YTHDC1: variants seen among roughly 807,000 people sequenced by gnomAD.
YTHDC1 encodes YTH domain-containing protein 1.
In YTHDC1, 12 loss-of-function variants were observed where a neutral mutation model predicts 107.0. The ratio of observed to expected loss-of-function variants is 0.11; its 90% confidence interval spans 0.07 to 0.18. YTHDC1 has a LOEUF of 0.18. YTHDC1 is among the 10% of genes least tolerant of loss of function. The pLI, the probability that YTHDC1 is intolerant of heterozygous loss-of-function variation, is 1.00. For missense variants in YTHDC1, 635 were observed against 898.8 expected (o/e 0.71, Z 3.75); for synonymous variants, 280 against 289.5 (o/e 0.97, Z 0.33).
intron 11 of YTHDC1, 50 bp from the exon 12 acceptor site, chr4:68,320,255 C>T (rs1553902687): frequency 1.4e-6 from 2 of 1,385,964 alleles, no homozygotes; most frequent in Non-Finnish European, 2.0e-6. Flanking sequence ...GCTGGGAGAA[C>T]AAAGAGTAAA....
At chr4:68,345,900 C>T (rs1725355325) in intron 1 of YTHDC1, among the ~76,000 whole-genome samples, 3 of 151,782 alleles carry the variant, frequency 2.0e-5, no homozygotes, top group Non-Finnish European at 4.4e-5. Flanking sequence ...TGCCTAGGGA[C>T]AATAGACTAT....
At chr4:68,314,453 C>T (rs115207011) in intron 16 of YTHDC1, 130 bp from the exon 17 acceptor site, 21,521 of 728,480 alleles carry the variant, frequency 0.03, 407 homozygotes, top group Middle Eastern at 0.066. Context: ...GTATTATAAT[C>T]GGCGGAGAGA....
chr4:68,342,841 A>G (rs114853489), intron 1 of YTHDC1, among the ~76,000 whole-genome samples: 2,293 of 152,322 alleles, frequency 0.015, 25 homozygotes, highest in Non-Finnish European at 0.023. Flanking sequence ...CCTTTTTGAA[A>G]AGAAATAATT....
chr4:68,349,832 A>T lies in YTHDC1; in HGVS notation c.-79T>A. On this transcript the variant is annotated 5_prime_UTR_variant, in exon 1 of 17. Transcript: ENST00000344157. ...CGCGCGGGCGCCGCAGCCGCGGCAG[A>T]AGCACGGGCCCGTCCGTCAGTCCGT... 6.3e-7 allele frequency: 1 copy of T among 1,599,684 alleles called. No homozygotes were observed.
In YTHDC1 at chr4:68,338,472, G is replaced by A. The variant is rs184217765; in HGVS notation, c.29-88C>T. 111 of 851,066 alleles carry A rather than the reference G, an allele frequency of 1.3e-4. 1 individual carries two copies. In the African/African-American group the frequency reaches 1.5e-3, roughly 11 times the overall value. The allele number at this position is 851,066 out of a possible 1,614,324, so 52.7% of individuals were successfully genotyped here. A position where few individuals can be genotyped will look rare whatever the true frequency, so the allele number is the denominator to read the frequency against. ...ACTTACTAAGTGTGAGGCCACAAGC[G>A]CCTAGGAGCTTTTACTTTTATATAA... On this transcript the variant is annotated intron_variant, in intron 1 of 16. Coordinates refer to ENST00000344157, the MANE Select transcript of YTHDC1 (RefSeq NM_001031732.4).
chr4:68,320,700 T>C (rs1183849234), intron 11 of YTHDC1, among the ~76,000 whole-genome samples: 1 of 152,164 alleles, frequency 6.6e-6, no homozygotes, highest in Non-Finnish European at 1.5e-5. Context: ...GAATTTATTT[T>C]TCCTCTGCTT....
chr4:68,320,613 T>G (rs1722342281), intron 11 of YTHDC1, among the ~76,000 whole-genome samples: 1 of 152,082 alleles, frequency 6.6e-6, no homozygotes, highest in Non-Finnish European at 1.5e-5. Flanking sequence ...CTATCATCAT[T>G]GTACAATATG....
Position 68,337,285 on chromosome 4 carries a change from C to T in YTHDC1, c.625G>A (p.Val209Met). 5 of 1,612,962 alleles carry T rather than the reference C, an allele frequency of 3.1e-6. No individual in the cohort carries two copies. Among genetic ancestry groups the T allele is most frequent in the African/African-American group, 1.3e-5 (1 of 75,004 alleles). The part of the protein sequence containing the change: ...ENEEEGVEED[V>M]EEDEEVEEDA... ...TCTTCTACTTCTTCATCTTCCTCCA[C>T]ATCTTCTTCCACTCCTTCCTCCTCA... The change falls in exon 4 of 17, where the codon GTG becomes ATG. Residue 209 changes from valine (V) to methionine (M), a missense_variant. By Grantham distance (21) the Val-to-Met change is conservative. This residue lies in a region of YTHDC1 where 294 missense variants were observed against 312.3 expected (regional missense o/e 0.94). Coordinates refer to ENST00000344157, the MANE Select transcript of YTHDC1 (RefSeq NM_001031732.4).
intron 1 of YTHDC1, among the ~76,000 whole-genome samples, chr4:68,344,481 C>T (rs1725199179): frequency 6.6e-6 from 1 of 152,180 alleles, no homozygotes; most frequent in Admixed American, 6.5e-5. Flanking sequence ...CAGTTGCAAG[C>T]ACTGTGTTGT....
intron 16 of YTHDC1, among the ~76,000 whole-genome samples, chr4:68,315,371 G>A (rs1721741857): frequency 6.6e-6 from 1 of 152,036 alleles, no homozygotes; most frequent in Admixed American, 6.6e-5. Context: ...TCAAAGATAG[G>A]CTAGAAAGCT....
At chr4:68,349,232 G>A (rs1273905320) in intron 1 of YTHDC1, among the ~76,000 whole-genome samples, 1 of 152,154 alleles carries the variant, frequency 6.6e-6, no homozygotes, top group African/African-American at 2.4e-5. Flanking sequence ...TATTTAACAG[G>A]AACAGCCAGA....
intron 9 of YTHDC1, among the ~76,000 whole-genome samples, chr4:68,326,676 C>T (rs1287999106): frequency 2.0e-5 from 3 of 152,036 alleles, no homozygotes; most frequent in African/African-American, 4.8e-5. Flanking sequence ...CTGCAACCTC[C>T]GCCTCCTGAG....
intron 1 of YTHDC1, among the ~76,000 whole-genome samples, chr4:68,339,783 C>A (rs926956776): frequency 2.0e-4 from 30 of 152,008 alleles, no homozygotes; most frequent in African/African-American, 7.2e-4. Context: ...ATAAAAAAAA[C>A]ATTTAGAGCC....
Position 68,337,348 on chromosome 4 carries a change from T to C in YTHDC1, c.562A>G (p.Ser188Gly). The C allele has an allele frequency of 6.2e-7, 1 of 1,614,128 alleles. No homozygotes were observed. Among genetic ancestry groups the C allele is most frequent in the Non-Finnish European group, 8.5e-7 (1 of 1,180,038 alleles). ...TTCCCTTGCTCATCAGAAGAACCAC[T>C]GCTGCCAGTCTCATGGTCAGAGCCA... ...EYGSDHETGS[S>G]GSSDEQGNNT... Residue 188 changes from serine to glycine, a missense_variant, in exon 4 of 17, where the codon AGT (serine) becomes GGT (glycine). By Grantham distance (56) the Ser-to-Gly change is moderately conservative. Coordinates refer to ENST00000344157, the MANE Select transcript of YTHDC1 (RefSeq NM_001031732.4).
intron 10 of YTHDC1, among the ~76,000 whole-genome samples, 165 bp from the exon 11 acceptor site, chr4:68,323,080 G>C (rs1016789653): frequency 3.9e-5 from 6 of 152,308 alleles, no homozygotes; most frequent in African/African-American, 1.4e-4. Flanking sequence ...CATTTAAAAA[G>C]TGTTTTGTGT....
chr4:68,333,694 G>A (rs984639449), intron 4 of YTHDC1, among the ~76,000 whole-genome samples: 4 of 152,020 alleles, frequency 2.6e-5, no homozygotes, highest in African/African-American at 4.8e-5. Flanking sequence ...CCAAGCGGGG[G>A]GGGAAATTTG....
Position 68,322,824 on chromosome 4 carries a change from T to C in YTHDC1, c.1526A>G (p.His509Arg). 1 of 1,614,220 alleles carries C rather than the reference T, an allele frequency of 6.2e-7. No individual in the cohort carries two copies. Among genetic ancestry groups the C allele is most frequent in the Non-Finnish European group, 8.5e-7 (1 of 1,180,034 alleles). Reference protein sequence around the residue: ...DLYQVIHKMRHKRRMHSQPRS... With the variant: ...DLYQVIHKMRRKRRMHSQPRS... ...GGGCTGAGAATGCATTCTTCTCTTG[T>C]GACGCATTTTATGAATGACCTGATA... The change falls in exon 11 of 17, where the codon CAC (histidine) becomes CGC (arginine). Residue 509 changes from histidine to arginine, a missense_variant. Transcript: ENST00000344157. This position sits in a 1 kb window ranked among gnomAD's most constrained non-coding sequence, Gnocchi z 4.8.
intron 1 of YTHDC1, among the ~76,000 whole-genome samples, chr4:68,346,873 T>A (rs909741791): frequency 7.2e-5 from 11 of 152,132 alleles, no homozygotes; most frequent in Non-Finnish European, 1.3e-4. Flanking sequence ...AAACATAGTA[T>A]AGATAGGATA....
rs1377189749 is a variant in YTHDC1, at chr4:68,311,258, T to C, written c.*2841A>G. ...CTGAAACTACATGGACAATGGAAGC[T>C]TGGAGATAATGGCCATTTTCTGAAA... On this transcript the variant is annotated 3_prime_UTR_variant, in exon 17 of 17. Transcript: ENST00000344157. 2.0e-5 allele frequency: 3 copies of C among 151,890 alleles called. No homozygotes were observed. The highest frequency in any genetic ancestry group is 4.4e-5 in the Non-Finnish European group (3 of 67,962). 9.4% of individuals were successfully genotyped at this position (151,890 alleles called of 1,614,324 possible). A position where few individuals can be genotyped will look rare whatever the true frequency, so the allele number is the denominator to read the frequency against.
Sources: gnomAD v4.1 joint callset for allele counts (sites outside exome capture counted in the v4.1 genomes callset) on GRCh38, gnomAD v4.1.1 for gene constraint, gnomAD v4.1.1 regional missense constraint, Gnocchi (gnomAD v3.1) non-coding constraint, MANE v1.5 for transcripts, NCBI Gene and HGNC (gene_info 2026-07-23, HGNC 2026-07-21) for gene names.